The following ATP11C variants were observed in gnomAD, a reference collection of about 807,000 sequenced individuals.
ATP11C encodes the protein ATPase phospholipid transporting 11C (ATP11C blood group).
In ATP11C, 36 loss-of-function variants were observed where a neutral mutation model predicts 97.4. The observed-to-expected ratio is 0.37, with a 90% confidence interval of 0.28 to 0.49. The LOEUF (loss-of-function observed/expected upper bound fraction) is 0.49. ATP11C is among the 20% of genes least tolerant of loss of function. The pLI, the probability that ATP11C is intolerant of heterozygous loss-of-function variation, is 0.98. For missense variants in ATP11C, 730 were observed against 824.6 expected (o/e 0.89, Z 1.40); for synonymous variants, 275 against 290.9 (o/e 0.95, Z 0.56).
chrX:139,772,186 G>A lies in ATP11C; in HGVS notation c.2216+2504C>T, dbSNP rs758801758. Among the ~76,000 whole-genome samples, 368 of 112,733 alleles carry A rather than the reference G, an allele frequency of 3.3e-3. 3 individuals carry two copies. The highest frequency in any genetic ancestry group is 0.012 in the African/African-American group (358 of 31,028). On this transcript the variant is annotated intron_variant, in intron 19 of 29. Coordinates refer to ENST00000682941, the MANE Select transcript of ATP11C (RefSeq NM_001353812.2). ...AGCTTAGGCCATGGCTTCAGAGGGT[G>A]GAAGCCCCAAGCCTTGGCAGCTTCC...
chrX:139,877,651 T>C (rs1336536283), intron 1 of ATP11C, among the ~76,000 whole-genome samples: 1 of 112,288 alleles, frequency 8.9e-6, no homozygotes, highest in Non-Finnish European at 1.9e-5. Context: ...AAATGAGCTG[T>C]GCTCCACAGA....
At chrX:139,824,035 C>T (rs76678901) in intron 2 of ATP11C, among the ~76,000 whole-genome samples, 2 of 103,723 alleles carry the variant, frequency 1.9e-5, no homozygotes, top group African/African-American at 3.6e-5. Context: ...CCGGCACTTT[C>T]GGAGGCTGAG....
chrX:139,784,401 G>A (rs753403312), intron 16 of ATP11C, among the ~76,000 whole-genome samples: 2 of 111,634 alleles, frequency 1.8e-5, no homozygotes, highest in South Asian at 3.8e-4. Context: ...AGTGGGATAT[G>A]TTCCCCCAAG....
intron 24 of ATP11C, 81 bp downstream of exon 24, chrX:139,749,944 C>A: frequency 2.0e-6 from 2 of 998,056 alleles, no homozygotes; most frequent in Non-Finnish European, 1.4e-6. Flanking sequence ...GTGCACAGTT[C>A]TGTGTTCTTC....
At chrX:139,788,381 A>C in intron 13 of ATP11C, 38 bp from the exon 14 acceptor site, 1 of 1,132,433 alleles carries the variant, frequency 8.8e-7, no homozygotes, top group South Asian at 1.9e-5. Context: ...ATTATTTTTA[A>C]TTTGATCACC....
Position 139,804,517 on chromosome X carries a change from G to C in ATP11C, c.509C>G (p.Thr170Ser). 8.3e-7 allele frequency: 1 copy of C among 1,203,490 alleles called. No individual in the cohort carries two copies. ...ILLSSCTTDG[T>S]CYVTTASLDG... ...AAGACTGGCTGTAGTGACATAACAG[G>C]TTCCATCAGTGGTGCAAGATGATAG... Residue 170 changes from threonine (T) to serine (S), a missense_variant, in exon 6 of 30, where the codon ACC (threonine) becomes AGC (serine). Thr to Ser is a moderately conservative substitution (Grantham distance 58). Coordinates refer to ENST00000682941, the MANE Select transcript of ATP11C (RefSeq NM_001353812.2).
intron 12 of ATP11C, 123 bp downstream of exon 12, chrX:139,796,150 A>T: frequency 2.1e-6 from 1 of 484,205 alleles, no homozygotes; most frequent in Non-Finnish European, 3.2e-6. Context: ...TGCCTGCATT[A>T]AAGAATTTTC....
intron 1 of ATP11C, among the ~76,000 whole-genome samples, chrX:139,905,954 CATAA>C (rs935273051): frequency 4.5e-5 from 5 of 111,291 alleles, no homozygotes; most frequent in African/African-American, 1.6e-4. Context: ...AAACTCAGAC[CATAA>C]ATAATTTCTA....
At chrX:139,829,198 G>A (rs1363386849) in intron 1 of ATP11C, among the ~76,000 whole-genome samples, 2 of 111,479 alleles carry the variant, frequency 1.8e-5, no homozygotes, top group African/African-American at 3.3e-5. Flanking sequence ...GCATTTTACA[G>A]TCTCTTTACC....
chrX:139,781,472 C>T (rs960391156), intron 18 of ATP11C, among the ~76,000 whole-genome samples: 3 of 112,248 alleles, frequency 2.7e-5, no homozygotes, highest in African/African-American at 6.5e-5. Flanking sequence ...CCAACACTTT[C>T]GGAGGTCAAG....
At chrX:139,909,581 TACA>T (rs1209245358) in intron 1 of ATP11C, among the ~76,000 whole-genome samples, 2 of 111,213 alleles carry the variant, frequency 1.8e-5, no homozygotes, top group African/African-American at 6.6e-5. Context: ...CACAAGTGAA[TACA>T]AAATATGGAA....
At position 139,727,376 on chromosome X, in the gene ATP11C, T is replaced by A. The variant is rs757486873; in HGVS notation, c.*1590A>T. 5 of 111,720 alleles carry A rather than the reference T, an allele frequency of 4.5e-5. No homozygotes were observed. Among genetic ancestry groups the A allele is most frequent in the Non-Finnish European group, 9.4e-5 (5 of 52,999 alleles). 9.2% of individuals were successfully genotyped at this position (111,720 alleles called of 1,213,427 possible). ...GCTACCAGAACACAGCACACTTAGG[T>A]AAGTTGTGAATGACATGTAACAAAA... On this transcript the variant is annotated 3_prime_UTR_variant, in exon 30 of 30. Transcript: ENST00000682941.
At chrX:139,825,220 A>T (rs984068148) in intron 2 of ATP11C, among the ~76,000 whole-genome samples, 2 of 111,835 alleles carry the variant, frequency 1.8e-5, no homozygotes, top group Non-Finnish European at 3.8e-5. Context: ...GAACCCAAAC[A>T]GCACGATGAT....
At chrX:139,816,523 T>C (rs1261325783) in intron 4 of ATP11C, among the ~76,000 whole-genome samples, 4 of 111,848 alleles carry the variant, frequency 3.6e-5, no homozygotes, top group African/African-American at 1.3e-4. Flanking sequence ...TTAAGCAATT[T>C]TTAAAAATCC....
intron 16 of ATP11C, 59 bp from the exon 17 acceptor site, chrX:139,783,326 G>T: frequency 1.1e-6 from 1 of 874,525 alleles, no homozygotes; most frequent in Non-Finnish European, 1.7e-6. Context: ...TGTGGTTTTA[G>T]TAAGAGTAAC....
In ATP11C at chrX:139,826,925, C is replaced by A. The variant is rs565453906; in HGVS notation, c.28-102G>T. On this transcript the variant is annotated intron_variant, in intron 1 of 29. Transcript: ENST00000682941. ...CCAAGCATGCTGGGCCATAATCTGGCGAGAAAGTAGTAGGGAGAGGAGAAA... is the reference window on the plus strand; with the variant it reads ...CCAAGCATGCTGGGCCATAATCTGGAGAGAAAGTAGTAGGGAGAGGAGAAA... 5.9e-4 allele frequency: 521 copies of A among 885,308 alleles called. 3 individuals are homozygous for A. The South Asian group carries it at 0.013, about 22-fold the overall frequency. 73.0% of individuals were successfully genotyped at this position (885,308 alleles called of 1,213,427 possible).
chrX:139,835,224 G>T lies in ATP11C; in HGVS notation c.28-8401C>A, dbSNP rs7879426. Among the ~76,000 whole-genome samples the T allele has an allele frequency of 5.3e-3, 587 of 111,797 alleles. 8 individuals carry two copies. The highest frequency in any genetic ancestry group is 0.018 in the African/African-American group (539 of 30,718). Reference sequence around the variant, plus strand: ...AGTATTTGGCTATGATCCCAGGTGGGTGTTTTTGCTTCTAAAGCTTAATAA... The same window carrying T: ...AGTATTTGGCTATGATCCCAGGTGGTTGTTTTTGCTTCTAAAGCTTAATAA... On this transcript the variant is annotated intron_variant, in intron 1 of 29. Transcript: ENST00000682941.
At chrX:139,926,559 A>C (rs1219110835) in intron 1 of ATP11C, among the ~76,000 whole-genome samples, 1 of 111,910 alleles carries the variant, frequency 8.9e-6, no homozygotes, top group Non-Finnish European at 1.9e-5. Flanking sequence ...TTTTGAAAAA[A>C]CAAGCTCTTT....
Position 139,871,357 on chromosome X carries a change from G to A in ATP11C, c.28-44534C>T, listed in dbSNP as rs753883571. Among the ~76,000 whole-genome samples, 10 of 106,711 alleles carry A rather than the reference G, an allele frequency of 9.4e-5. No individual in the cohort carries two copies. The East Asian group carries it at 1.5e-3, about 16-fold the overall frequency. The allele number at this position is 106,711 out of a possible 115,157, so 92.7% of individuals were successfully genotyped here. A position where few individuals can be genotyped will look rare whatever the true frequency, so the allele number is the denominator to read the frequency against. Reference sequence around the variant, plus strand: ...CGAGTAGCTGGCATTACAGGTGTGCGCCACCACGCCCAGCTAATTTTTGTA... The same window carrying A: ...CGAGTAGCTGGCATTACAGGTGTGCACCACCACGCCCAGCTAATTTTTGTA... On this transcript the variant is annotated intron_variant, in intron 1 of 29. Transcript: ENST00000682941.
Sources: allele counts gnomAD v4.1 joint callset (sites outside exome capture counted in the v4.1 genomes callset), GRCh38; gene constraint gnomAD v4.1.1; transcripts MANE v1.5; gene names NCBI Gene and HGNC (gene_info 2026-07-23, HGNC 2026-07-21).